The following PARP15 variants were observed in gnomAD, a reference collection of about 807,000 sequenced individuals.
PARP15 encodes protein mono-ADP-ribosyltransferase PARP15.
A neutral mutation model predicts 62.1 loss-of-function variants in PARP15; 50 were observed. That is an observed-to-expected ratio of 0.81 (90% CI 0.64 to 1.02). The LOEUF (loss-of-function observed/expected upper bound fraction) is 1.02. PARP15 is among the 50% of genes least tolerant of loss of function. The pLI, the probability that PARP15 is intolerant of heterozygous loss-of-function variation, is 0.00. For missense variants in PARP15, 820 were observed against 826.5 expected, an observed-to-expected ratio of 0.99 and a Z score of 0.10; for synonymous variants, 309 against 293.1, an observed-to-expected ratio of 1.05 and a Z score of -0.55.
rs141151686 is a variant in PARP15 at position 122,615,797 on chromosome 3, A to G, written c.790A>G (p.Thr264Ala). 13 of 1,613,462 alleles carry G rather than the reference A, an allele frequency of 8.1e-6. No homozygotes were observed. The African/African-American group carries it at 1.7e-4, about 22-fold the overall frequency. ...TTTCCAGGCATTTTTAGATGAATTC[A>G]CTAACTGGTCAAGAATAAATCCCAA... is the stretch of plus-strand genomic sequence containing the variant. Reference protein sequence around the residue: ...EGCQAFLDEFTNWSRINPNKA... With the variant: ...EGCQAFLDEFANWSRINPNKA... Residue 264 changes from threonine to alanine, a missense_variant, in exon 5 of 12, where the codon ACT becomes GCT. By Grantham distance (58) the Thr-to-Ala change is moderately conservative. This residue lies in a region of PARP15 where 731 missense variants were observed against 727.7 expected (regional missense o/e 1.00). Transcript: ENST00000464300.
intron 3 of PARP15, 119 bp downstream of exon 3, chr3:122,610,849 AC>A: frequency 1.3e-6 from 1 of 748,436 alleles, no homozygotes; most frequent in Non-Finnish European, 2.0e-6. Flanking sequence ...TTGGGTTGTT[AC>A]AACTGCTGCT....
intron 8 of PARP15, among the ~76,000 whole-genome samples, chr3:122,623,330 A>C (rs1936470942): frequency 6.6e-6 from 1 of 152,196 alleles, no homozygotes; most frequent in Non-Finnish European, 1.5e-5. Flanking sequence ...TGGCCCCTTC[A>C]GGAATTCATG....
chr3:122,615,046 AG>A lies in PARP15; in HGVS notation c.772-732del, dbSNP rs530024723. On this transcript the variant is annotated intron_variant, in intron 4 of 11. Transcript: ENST00000464300. The stretch of plus-strand genomic sequence containing the variant: ...CTCTGTCTGCAAAAAAAAAAAAAAA[AG>A]AAAAGAAAAGAAAAGAAAGAAAGAA... 1,772 of 922,114 alleles carry A rather than the reference AG, an allele frequency of 1.9e-3. 32 individuals carry two copies. The African/African-American group carries it at 0.034, about 18-fold the overall frequency. The allele number at this position is 922,114 out of a possible 1,614,324, so 57.1% of individuals were successfully genotyped here. A position where few individuals can be genotyped will look rare whatever the true frequency, so the allele number is the denominator to read the frequency against.
In PARP15 at chr3:122,610,476, G is replaced by A. The variant is rs1012587324; in HGVS notation, c.307-18G>A. 13 of 1,534,456 alleles carry A rather than the reference G, an allele frequency of 8.5e-6. No individual in the cohort carries two copies. The highest frequency in any genetic ancestry group is 8.3e-5 in the African/African-American group (6 of 72,400). On this transcript the variant is annotated intron_variant, in intron 2 of 11. Transcript: ENST00000464300. ...TGTATTATTGATTCAATCTCTAACT[G>A]TTGCTATTTTCGTTAAGGCCGATGT...
chr3:122,636,133 T>G lies in PARP15; in HGVS notation c.*33T>G, dbSNP rs1937360787. On this transcript the variant is annotated 3_prime_UTR_variant, in exon 12 of 12. Transcript: ENST00000464300. Reference sequence around the variant, plus strand: ...TTTATCATCAAAGAGATGATTTAAGTCATCTGTAAGAACAACATGCAATCT... The same window carrying G: ...TTTATCATCAAAGAGATGATTTAAGGCATCTGTAAGAACAACATGCAATCT... The G allele has an allele frequency of 3.2e-6, 5 of 1,571,024 alleles. No individual in the cohort carries two copies. The highest frequency in any genetic ancestry group is 4.3e-6 in the Non-Finnish European group (5 of 1,150,790).
chr3:122,603,821 A>G (rs1934978968), intron 1 of PARP15, among the ~76,000 whole-genome samples: 1 of 152,238 alleles, frequency 6.6e-6, no homozygotes, highest in South Asian at 2.1e-4. Context: ...CCAGAAACCT[A>G]CTGCCAAAGC....
intron 6 of PARP15, among the ~76,000 whole-genome samples, chr3:122,617,931 C>T (rs901099997): frequency 3.3e-5 from 5 of 152,098 alleles, no homozygotes; most frequent in Middle Eastern, 3.2e-3. Flanking sequence ...GGGGTTTTGC[C>T]ATGTTGGCCA....
rs528815537 is a variant in PARP15, at chr3:122,590,525, C to T, written c.186+12672C>T. On this transcript the variant is annotated intron_variant, in intron 1 of 11. Coordinates refer to ENST00000464300, the MANE Select transcript of PARP15 (RefSeq NM_001113523.3). Reference sequence around the variant, plus strand: ...TCCTGACCTCGTGATCCACCTGCCTCGGCCTCCCAAAGTGCTGGGATTACA... The same window carrying T: ...TCCTGACCTCGTGATCCACCTGCCTTGGCCTCCCAAAGTGCTGGGATTACA... Among the ~76,000 whole-genome samples the T allele has an allele frequency of 4.6e-5, 7 of 152,282 alleles. No individual in the cohort carries two copies. The East Asian group carries it at 1.2e-3, about 25-fold the overall frequency.
intron 1 of PARP15, among the ~76,000 whole-genome samples, chr3:122,590,396 C>T (rs62263884): frequency 0.44 from 66,399 of 151,188 alleles, 15,225 homozygotes; most frequent in Non-Finnish European, 0.52. Context: ...CCTCAGCCTC[C>T]CGAGTAGCTG....
chr3:122,603,413 C>T (rs557400481), intron 1 of PARP15, among the ~76,000 whole-genome samples: 37 of 152,206 alleles, frequency 2.4e-4, no homozygotes, highest in African/African-American at 8.7e-4. Flanking sequence ...AAAAAACCTC[C>T]TGCATTGTGT....
chr3:122,595,483 A>C (rs1934261829), intron 1 of PARP15, among the ~76,000 whole-genome samples: 1 of 151,928 alleles, frequency 6.6e-6, no homozygotes, highest in Non-Finnish European at 1.5e-5. Flanking sequence ...CTTCCTCCTA[A>C]ATACAGGTTT....
At chr3:122,606,160 T>G in intron 2 of PARP15, 105 bp downstream of exon 2, 1 of 1,308,786 alleles carries the variant, frequency 7.6e-7, no homozygotes, top group South Asian at 1.6e-5. Context: ...TAATCAAAGA[T>G]TAAAGATATC....
chr3:122,629,548 G>C (rs1008123522), intron 9 of PARP15, among the ~76,000 whole-genome samples: 1 of 152,110 alleles, frequency 6.6e-6, no homozygotes, highest in African/African-American at 2.4e-5. Context: ...TGGGCCCAGG[G>C]ACCAGTTTCA....
intron 1 of PARP15, among the ~76,000 whole-genome samples, chr3:122,581,688 A>G (rs1932956058): frequency 6.6e-6 from 1 of 152,128 alleles, no homozygotes; most frequent in Non-Finnish European, 1.5e-5. Flanking sequence ...CCTGTTCTGT[A>G]GGTCACCTTT....
Position 122,612,209 on chromosome 3 carries a change from C to T in PARP15, c.544-832C>T, listed in dbSNP as rs1174820847. Reference sequence around the variant, plus strand: ...TAGCTGGGACAACAGGCACACATCACCATCCCTGGCTAATTTTTGTGTTTT... The same window carrying T: ...TAGCTGGGACAACAGGCACACATCATCATCCCTGGCTAATTTTTGTGTTTT... On this transcript the variant is annotated intron_variant, in intron 3 of 11. Transcript: ENST00000464300. 2.0e-5 allele frequency among the ~76,000 whole-genome samples: 3 copies of T among 151,626 alleles called. No individual in the cohort carries two copies. In the South Asian group the frequency reaches 6.2e-4, roughly 32 times the overall value.
rs192905449 is a variant in PARP15, at chr3:122,590,510, G to A, written c.186+12657G>A. ...AGGATGGTCTCGATCTCCTGACCTC[G>A]TGATCCACCTGCCTCGGCCTCCCAA... On this transcript the variant is annotated intron_variant, in intron 1 of 11. Coordinates refer to ENST00000464300, the MANE Select transcript of PARP15 (RefSeq NM_001113523.3). 5.7e-4 allele frequency among the ~76,000 whole-genome samples: 85 copies of A among 148,842 alleles called. No individual in the cohort carries two copies. In the East Asian group the frequency reaches 0.016, roughly 29 times the overall value.
chr3:122,631,459 AT>A (rs1192855340), intron 9 of PARP15, among the ~76,000 whole-genome samples: 1 of 152,186 alleles, frequency 6.6e-6, no homozygotes, highest in Non-Finnish European at 1.5e-5. Flanking sequence ...TGTATCTCTA[AT>A]GCAGGGTGTC....
At position 122,636,958 on chromosome 3, in the gene PARP15, C is replaced by T. The variant is rs1163406769; in HGVS notation, c.*858C>T. The T allele has an allele frequency of 6.6e-6, 1 of 152,232 alleles. No homozygotes were observed. Among genetic ancestry groups the T allele is most frequent in the Non-Finnish European group, 1.5e-5 (1 of 68,068 alleles). 9.4% of individuals were successfully genotyped at this position (152,232 alleles called of 1,614,324 possible). On this transcript the variant is annotated 3_prime_UTR_variant, in exon 12 of 12. Coordinates refer to ENST00000464300, the MANE Select transcript of PARP15 (RefSeq NM_001113523.3). ...TCCTCATGACACAACAGTTGGCTTA[C>T]TCCAGAGTGAGCAACTCAAGAGAGA...
intron 8 of PARP15, among the ~76,000 whole-genome samples, chr3:122,624,528 G>A (rs1250135484): frequency 6.6e-6 from 1 of 152,200 alleles, no homozygotes; most frequent in African/African-American, 2.4e-5. Context: ...TGAAGCTTAA[G>A]TGATCAGACT....
Sources: gnomAD v4.1 joint callset for allele counts (sites outside exome capture counted in the v4.1 genomes callset) on GRCh38, gnomAD v4.1.1 for gene constraint, gnomAD v4.1.1 regional missense constraint, MANE v1.5 for transcripts, NCBI Gene and HGNC (gene_info 2026-07-23, HGNC 2026-07-21) for gene names.